Variants in TTLL11 observed in about 807,000 individuals in gnomAD.
TTLL11 encodes tubulin polyglutamylase TTLL11.
In TTLL11, 42 loss-of-function variants were observed where a neutral mutation model predicts 51.7. The ratio of observed to expected loss-of-function variants is 0.81; its 90% CI spans 0.64 to 1.05. TTLL11 has a LOEUF of 1.05. Ranked by LOEUF, TTLL11 falls within the 50% of genes least tolerant of loss-of-function variation. The pLI, the probability that TTLL11 is intolerant of heterozygous loss-of-function variation, is 0.00. For synonymous variants in TTLL11, 381 were observed against 383.5 expected (o/e 0.99, Z 0.08); for missense variants, 799 against 940.4 (o/e 0.85, Z 1.97).
intron 1 of TTLL11, among the ~76,000 whole-genome samples, chr9:122,083,358 T>C (rs1846046313): frequency 6.6e-6 from 1 of 151,994 alleles, no homozygotes; most frequent in African/African-American, 2.4e-5. Context: ...GACCACGATC[T>C]CAATAACCAA....
At chr9:121,916,682 A>G (rs190471066) in intron 6 of TTLL11, among the ~76,000 whole-genome samples, 222 of 152,302 alleles carry the variant, frequency 1.5e-3, no homozygotes, top group Middle Eastern at 6.8e-3. Context: ...TAACGGAACG[A>G]TGGTATCCAG....
chr9:121,846,133 A>C (rs953399558), intron 8 of TTLL11, among the ~76,000 whole-genome samples: 1 of 152,210 alleles, frequency 6.6e-6, no homozygotes, highest in African/African-American at 2.4e-5. Context: ...AAGTTACAGT[A>C]GCTATATTAA....
intron 1 of TTLL11, among the ~76,000 whole-genome samples, chr9:122,089,571 AC>A (rs1437629165): frequency 2.0e-5 from 3 of 152,208 alleles, no homozygotes; most frequent in Non-Finnish European, 4.4e-5. Context: ...TTCAACCTCC[AC>A]ACTAGGGTGT....
intron 1 of TTLL11, among the ~76,000 whole-genome samples, chr9:122,055,491 C>T (rs1845270413): frequency 6.6e-6 from 1 of 152,130 alleles, no homozygotes; most frequent in Non-Finnish European, 1.5e-5. Flanking sequence ...ATGGTGCCCG[C>T]TCAGATTAAG....
chr9:121,961,854 A>AGACC (rs1564328543), intron 6 of TTLL11, among the ~76,000 whole-genome samples: 8 of 152,048 alleles, frequency 5.3e-5, no homozygotes, highest in African/African-American at 1.9e-4. Flanking sequence ...TCAGGAGTTC[A>AGACC]AGACCAGCCT....
chr9:122,020,288 C>A (rs1377319364), intron 3 of TTLL11, among the ~76,000 whole-genome samples: 2 of 152,192 alleles, frequency 1.3e-5, no homozygotes, highest in Non-Finnish European at 2.9e-5. Flanking sequence ...TCAGGTGTCA[C>A]CACTACTCAG....
chr9:121,976,029 AATCAAT>A (rs1359424757), intron 4 of TTLL11, among the ~76,000 whole-genome samples: 1 of 152,198 alleles, frequency 6.6e-6, no homozygotes, highest in Non-Finnish European at 1.5e-5. Context: ...CTAGCTAGTT[AATCAAT>A]GACAGAGCTG....
At chr9:121,973,634 C>T (rs1842629183) in intron 6 of TTLL11, among the ~76,000 whole-genome samples, 2 of 152,146 alleles carry the variant, frequency 1.3e-5, no homozygotes, top group South Asian at 2.1e-4. Flanking sequence ...AGGAGATATA[C>T]CTAATGTTAA....
At chr9:121,847,135 G>A (rs561948820) in intron 8 of TTLL11, among the ~76,000 whole-genome samples, 4 of 150,668 alleles carry the variant, frequency 2.7e-5, no homozygotes, top group South Asian at 4.2e-4. Context: ...GCGTGAACCC[G>A]GGAGGCGGAG....
At chr9:121,973,740 T>C (rs1050849658) in intron 6 of TTLL11, among the ~76,000 whole-genome samples, 27 of 152,090 alleles carry the variant, frequency 1.8e-4, no homozygotes, top group African/African-American at 5.5e-4. Flanking sequence ...ACTTAAAGTA[T>C]AATAATAATA....
chr9:121,864,297 C>T (rs1385426216), intron 7 of TTLL11, among the ~76,000 whole-genome samples: 1 of 152,148 alleles, frequency 6.6e-6, no homozygotes, highest in African/African-American at 2.4e-5. Context: ...AAAAATGTGG[C>T]TCTTAATCAT....
intron 4 of TTLL11, among the ~76,000 whole-genome samples, chr9:121,978,530 C>G (rs1257034950): frequency 6.6e-6 from 1 of 151,966 alleles, no homozygotes; most frequent in Non-Finnish European, 1.5e-5. Flanking sequence ...GAATGTGCAG[C>G]TTAGCATGGG....
intron 7 of TTLL11, among the ~76,000 whole-genome samples, chr9:121,861,266 G>A (rs1245795830): frequency 2.0e-5 from 3 of 152,076 alleles, no homozygotes; most frequent in Non-Finnish European, 4.4e-5. Context: ...TAGTAGAGAC[G>A]GAGTTTCACC....
intron 3 of TTLL11, among the ~76,000 whole-genome samples, chr9:122,013,362 G>C (rs1379753805): frequency 6.6e-6 from 1 of 152,212 alleles, no homozygotes; most frequent in Admixed American, 6.5e-5. Flanking sequence ...ATAGGAGGTG[G>C]AGTAGGGGAG....
intron 1 of TTLL11, among the ~76,000 whole-genome samples, chr9:122,048,106 C>T (rs1439144905): frequency 6.6e-6 from 1 of 152,160 alleles, no homozygotes; most frequent in African/African-American, 2.4e-5. Context: ...CCTCCAGGGT[C>T]TCCTCTTTAG....
chr9:122,024,992 C>T (rs1239411617), intron 3 of TTLL11, among the ~76,000 whole-genome samples: 1 of 151,636 alleles, frequency 6.6e-6, no homozygotes, highest in African/African-American at 2.4e-5. Flanking sequence ...TCTCACATAC[C>T]CCATAAGTAT....
Position 121,951,714 on chromosome 9 carries a change from C to T in TTLL11, c.1481+22295G>A, listed in dbSNP as rs547699283. On this transcript the variant is annotated intron_variant, in intron 6 of 8. Transcript: ENST00000321582. ...TCCAAGAGAGGTTTCTTGGACCTCC[C>T]GCAGGAAAGAATTCAGGGCGAGTCC... 8.5e-5 allele frequency among the ~76,000 whole-genome samples: 13 copies of T among 152,142 alleles called. 1 individual carries two copies. In the South Asian group the frequency reaches 2.1e-3, roughly 24 times the overall value.
chr9:122,080,433 T>C (rs574544100), intron 1 of TTLL11, among the ~76,000 whole-genome samples: 1 of 152,148 alleles, frequency 6.6e-6, no homozygotes, highest in East Asian at 1.9e-4. Flanking sequence ...CCTGTAATCC[T>C]AGCAATCTGG....
At chr9:121,906,933 C>T (rs968894237) in intron 6 of TTLL11, among the ~76,000 whole-genome samples, 3 of 152,034 alleles carry the variant, frequency 2.0e-5, no homozygotes, top group African/African-American at 7.2e-5. Flanking sequence ...TTTGGCCGGG[C>T]ACGGTGGCTC....
Sources: allele counts gnomAD v4.1 joint callset (sites outside exome capture counted in the v4.1 genomes callset), GRCh38; gene constraint gnomAD v4.1.1; transcripts MANE v1.5; gene names NCBI Gene and HGNC (gene_info 2026-07-23, HGNC 2026-07-21).